The following SLC25A16 variants were observed in gnomAD, a reference collection of about 807,000 sequenced individuals.
SLC25A16 encodes mitochondrial coenzyme A transporter SLC25A16.
SLC25A16 carries 39 observed loss-of-function variants against 41.5 expected under a neutral mutation model. The observed-to-expected ratio is 0.94, with a 90% CI of 0.73 to 1.23. The LOEUF (loss-of-function observed/expected upper bound fraction) is 1.23. Among genes scored for constraint, SLC25A16 ranks in the 50% most tolerant of loss-of-function variants. SLC25A16 has a pLI of 0.00. For missense variants in SLC25A16, 421 were observed against 426.9 expected, an observed-to-expected ratio of 0.99 and a Z score of 0.12; for synonymous variants, 146 against 147.8, an observed-to-expected ratio of 0.99 and a Z score of 0.09.
At chr10:68,514,006 C>T (rs1048819216) in intron 2 of SLC25A16, among the ~76,000 whole-genome samples, 2 of 152,066 alleles carry the variant, frequency 1.3e-5, no homozygotes, top group Admixed American at 6.6e-5. Flanking sequence ...AGGCAGCCAA[C>T]ATGGCAAAAC....
chr10:68,507,030 A>G (rs1178489986), intron 2 of SLC25A16, among the ~76,000 whole-genome samples: 1 of 151,626 alleles, frequency 6.6e-6, no homozygotes, highest in Non-Finnish European at 1.5e-5. Flanking sequence ...AACAATAGAA[A>G]TATATGCAAG....
rs143073658 is a variant in SLC25A16 at position 68,506,700 on chromosome 10, C to T, written c.242G>A (p.Arg81His). 24 of 1,580,880 alleles carry T rather than the reference C, an allele frequency of 1.5e-5. No homozygotes were observed. In the African/African-American group the frequency reaches 1.9e-4, roughly 13 times the overall value. ...YKHLGVFSAL[R>H]AVPQKEGFLG... ...GAATCCTTCTTTTTGAGGAACAGCA[C>T]GCAATGCAGAAAATACTCCTATTTT... The change falls in exon 3 of 9, where the codon CGT becomes CAT. Residue 81 changes from arginine to histidine, a missense_variant. Transcript: ENST00000609923.
At chr10:68,490,890 C>CTT (rs11389730) in intron 6 of SLC25A16, among the ~76,000 whole-genome samples, 20 of 148,314 alleles carry the variant, frequency 1.3e-4, no homozygotes, top group African/African-American at 3.9e-4. Flanking sequence ...AAAAAATATA[C>CTT]TTTTTTTTTT....
chr10:68,494,900 A>G (rs1814281930), intron 4 of SLC25A16, among the ~76,000 whole-genome samples: 1 of 151,566 alleles, frequency 6.6e-6, no homozygotes, highest in Non-Finnish European at 1.5e-5. Context: ...AAAAGTAAAA[A>G]GAAAAGAAAA....
intron 2 of SLC25A16, among the ~76,000 whole-genome samples, chr10:68,515,594 T>C (rs1230046306): frequency 6.6e-6 from 1 of 151,380 alleles, no homozygotes; most frequent in African/African-American, 2.4e-5. Context: ...AGTTTGGGAG[T>C]TCGAGAGCAG....
chr10:68,491,586 G>A (rs1319046689), intron 6 of SLC25A16, among the ~76,000 whole-genome samples: 1 of 151,986 alleles, frequency 6.6e-6, no homozygotes, highest in African/African-American at 2.4e-5. Context: ...TCACCCAGGA[G>A]GGTGTCCATT....
chr10:68,493,196 T>G lies in SLC25A16; in HGVS notation c.546A>C (p.Glu182Asp). 6.3e-7 allele frequency: 1 copy of G among 1,590,062 alleles called. No homozygotes were observed. Among genetic ancestry groups the G allele is most frequent in the Non-Finnish European group, 8.6e-7 (1 of 1,169,582 alleles). Reference sequence around the variant, plus strand: ...CTCTGTAAAATCCAAAGAAACCACCTTCCTTTTGAGTGAAGGAAAATTGCA... The same window carrying G: ...CTCTGTAAAATCCAAAGAAACCACCGTCCTTTTGAGTGAAGGAAAATTGCA... ...IHAFKTIYAK[E>D]GGFFGFYRGL... is the part of the protein sequence containing the mutation. Residue 182 changes from glutamate (E) to aspartate (D), a missense_variant and splice_region_variant, in exon 6 of 9, where the codon GAA becomes GAC. Glu to Asp is a conservative substitution (Grantham distance 45, BLOSUM62 2). Coordinates refer to ENST00000609923, the MANE Select transcript of SLC25A16 (RefSeq NM_152707.4).
chr10:68,492,548 C>A (rs2052677411), intron 6 of SLC25A16, among the ~76,000 whole-genome samples: 1 of 151,984 alleles, frequency 6.6e-6, no homozygotes, highest in African/African-American at 2.4e-5. Flanking sequence ...GCGGGTAGAT[C>A]ACCTGAGGTC....
At chr10:68,488,354 G>C in intron 7 of SLC25A16, 113 bp downstream of exon 7, 1 of 674,144 alleles carries the variant, frequency 1.5e-6, no homozygotes, top group Non-Finnish European at 2.3e-6. Context: ...CCTATATTTT[G>C]CAAGGATCCT....
chr10:68,484,893 C>T (rs2052533722), intron 8 of SLC25A16, among the ~76,000 whole-genome samples: 1 of 152,246 alleles, frequency 6.6e-6, no homozygotes, highest in African/African-American at 2.4e-5. Flanking sequence ...TATACAATCA[C>T]AGCAGCCACT....
intron 1 of SLC25A16, chr10:68,517,717 C>T (rs2053182477): frequency 6.6e-6 from 1 of 152,072 alleles, no homozygotes; most frequent in African/African-American, 2.4e-5. Flanking sequence ...GCCTGCAATC[C>T]CAGCACTTTG....
chr10:68,521,415 A>G (rs765389586), intron 1 of SLC25A16, among the ~76,000 whole-genome samples: 15 of 151,782 alleles, frequency 9.9e-5, no homozygotes, highest in Admixed American at 5.3e-4. Context: ...TGTAATCCCA[A>G]CTACTGTGGA....
chr10:68,487,327 T>G, intron 7 of SLC25A16, 115 bp from the exon 8 acceptor site: 1 of 748,500 alleles, frequency 1.3e-6, no homozygotes, highest in East Asian at 2.6e-5. Flanking sequence ...CTTATTGTTC[T>G]GTCTAACCTA....
intron 1 of SLC25A16, among the ~76,000 whole-genome samples, chr10:68,524,586 G>A (rs1488515055): frequency 1.3e-5 from 2 of 150,844 alleles, no homozygotes; most frequent in Admixed American, 6.7e-5. Flanking sequence ...GCGAGCACCT[G>A]TAATCCCAGC....
chr10:68,519,485 C>CA (rs572226861), intron 1 of SLC25A16, among the ~76,000 whole-genome samples: 284 of 81,594 alleles, frequency 3.5e-3, no homozygotes, highest in African/African-American at 7.0e-3. Context: ...GACTCCATCT[C>CA]AAAAAAAAAA....
chr10:68,491,173 C>T (rs1445809725), intron 6 of SLC25A16, among the ~76,000 whole-genome samples: 1 of 152,050 alleles, frequency 6.6e-6, no homozygotes, highest in East Asian at 1.9e-4. Context: ...GCCACCATGC[C>T]TGGCCACACC....
At chr10:68,495,781 CAAAAAAAAAAA>C in intron 4 of SLC25A16, among the ~76,000 whole-genome samples, 1 of 89,640 alleles carries the variant, frequency 1.1e-5, no homozygotes, top group Non-Finnish European at 2.1e-5. Context: ...GACTATGTCT[CAAAAAAAAAAA>C]AAAAAAAAAG....
At chr10:68,493,393 T>C in intron 5 of SLC25A16, 56 bp downstream of exon 5, 1 of 1,454,332 alleles carries the variant, frequency 6.9e-7, no homozygotes, top group Non-Finnish European at 9.6e-7. Context: ...ACATTCAAAA[T>C]ATTTTCCTAA....
intron 1 of SLC25A16, among the ~76,000 whole-genome samples, chr10:68,526,127 C>A (rs28881924): frequency 1.3e-5 from 2 of 151,842 alleles, no homozygotes; most frequent in African/African-American, 4.8e-5. Context: ...AAGAGGAAGG[C>A]ATGCCTCTTG....
Sources: allele counts gnomAD v4.1 joint callset (sites outside exome capture counted in the v4.1 genomes callset), GRCh38; gene constraint gnomAD v4.1.1; transcripts MANE v1.5; gene names NCBI Gene and HGNC (gene_info 2026-07-23, HGNC 2026-07-21).